The following MTHFD1L variants were observed in gnomAD, a reference collection of about 807,000 sequenced individuals.
MTHFD1L encodes the protein methylenetetrahydrofolate dehydrogenase (NADP+ dependent) 1 like, also known as monofunctional C1-tetrahydrofolate synthase, mitochondrial.
MTHFD1L carries 81 observed loss-of-function variants against 119.5 expected under a neutral mutation model. The ratio of observed to expected loss-of-function variants is 0.68; its 90% CI spans 0.57 to 0.82. The LOEUF (loss-of-function observed/expected upper bound fraction) is 0.82. Ranked by LOEUF, MTHFD1L falls within the 40% of genes least tolerant of loss-of-function variation. The pLI, the probability that MTHFD1L is intolerant of heterozygous loss-of-function variation, is 0.00. For synonymous variants in MTHFD1L, 430 were observed against 475.2 expected (o/e 0.90, Z 1.24); for missense variants, 1,125 against 1,253.4 (o/e 0.90, Z 1.55).
rs1187011747 is a variant in MTHFD1L at position 151,039,771 on chromosome 6, C to T, written c.2847+2654C>T. Among the ~76,000 whole-genome samples, 11 of 152,146 alleles carry T rather than the reference C, an allele frequency of 7.2e-5. No homozygotes were observed. Among genetic ancestry groups the T allele is most frequent in the Non-Finnish European group, 8.8e-5 (6 of 68,014 alleles). ...CACTACTAAAAATACAAAAATTTGCCGGGCGGGGTGGTGGGCACCTATAAT... is the reference window on the plus strand; with the variant it reads ...CACTACTAAAAATACAAAAATTTGCTGGGCGGGGTGGTGGGCACCTATAAT... On this transcript the variant is annotated intron_variant, in intron 26 of 27. Coordinates refer to ENST00000367321, the MANE Select transcript of MTHFD1L (RefSeq NM_015440.5). The surrounding 1 kb of genome is among the most constrained non-coding windows in gnomAD (Gnocchi z 4.4).
chr6:150,867,099 C>T (rs191027153), intron 1 of MTHFD1L, among the ~76,000 whole-genome samples: 2 of 152,092 alleles, frequency 1.3e-5, no homozygotes, highest in South Asian at 4.1e-4. Context: ...CTCCCCACTC[C>T]CCTTCTCCCA....
intron 27 of MTHFD1L, among the ~76,000 whole-genome samples, chr6:151,100,500 G>A (rs1003892907): frequency 2.0e-5 from 3 of 152,030 alleles, no homozygotes; most frequent in Non-Finnish European, 4.4e-5. Context: ...AGGCCAACTC[G>A]CAGGATTTCA....
chr6:151,013,899 C>T (rs1462585541), intron 22 of MTHFD1L, 79 bp downstream of exon 22: 6 of 1,205,698 alleles, frequency 5.0e-6, no homozygotes, highest in East Asian at 4.7e-5. Context: ...AATGAGCCCT[C>T]CTTCAGTGGC....
At chr6:150,972,793 G>A (rs1335564661) in intron 20 of MTHFD1L, among the ~76,000 whole-genome samples, 1 of 152,104 alleles carries the variant, frequency 6.6e-6, no homozygotes, top group Non-Finnish European at 1.5e-5. Context: ...TGTTTTTTGT[G>A]AGCTAATATA....
At chr6:150,940,627 C>G (rs1792930106) in intron 13 of MTHFD1L, among the ~76,000 whole-genome samples, 2 of 152,142 alleles carry the variant, frequency 1.3e-5, no homozygotes, top group African/African-American at 4.8e-5. Context: ...GTCACCCAGG[C>G]TGGAGTGCAA....
chr6:151,099,221 G>GAC lies in MTHFD1L; in HGVS notation c.*32-2303_*32-2302dup, dbSNP rs377123408. The stretch of plus-strand genomic sequence containing the variant: ...GGACCACATACTCTAAGCACCTTTA[G>GAC]ACAAAACCACAGGATACAAATGTAA... On this transcript the variant is annotated intron_variant, in intron 27 of 27. Transcript: ENST00000367321. 5.1e-3 allele frequency among the ~76,000 whole-genome samples: 764 copies of GAC among 149,920 alleles called. 12 individuals carry two copies. The highest frequency in any genetic ancestry group is 0.018 in the African/African-American group (723 of 40,870).
At chr6:151,066,287 A>G (rs144595687) in intron 26 of MTHFD1L, among the ~76,000 whole-genome samples, 2,578 of 151,220 alleles carry the variant, frequency 0.017, 70 homozygotes, top group African/African-American at 0.056. Context: ...ATACAAAAAA[A>G]TCAGCCTGGC....
At chr6:150,965,088 A>C (rs1627462) in intron 19 of MTHFD1L, 51 bp downstream of exon 19, 949,170 of 1,520,382 alleles carry the variant, frequency 0.62, 304,187 homozygotes, top group Non-Finnish European at 0.66. Flanking sequence ...GGATTGCCAC[A>C]CAATGTGAAC....
At chr6:150,933,639 T>G (rs1791547797) in intron 11 of MTHFD1L, among the ~76,000 whole-genome samples, 1 of 152,040 alleles carries the variant, frequency 6.6e-6, no homozygotes, top group Non-Finnish European at 1.5e-5. Context: ...GCGACCTCCT[T>G]GTTGCTGAAT....
intron 1 of MTHFD1L, among the ~76,000 whole-genome samples, chr6:150,875,295 C>T (rs569804804): frequency 3.3e-5 from 5 of 152,210 alleles, no homozygotes; most frequent in Admixed American, 1.3e-4. Context: ...GCAGTCCTAC[C>T]GCCTTGGCCT....
In MTHFD1L at chr6:150,956,001, A is replaced by T; in HGVS notation, c.1733A>T (p.Asp578Val). The T allele has an allele frequency of 1.9e-6, 3 of 1,613,614 alleles. No individual in the cohort carries two copies. Among genetic ancestry groups the T allele is most frequent in the South Asian group, 1.1e-5 (1 of 91,080 alleles). The change falls in exon 17 of 28, where the codon GAT becomes GTT. Residue 578 changes from aspartate (D) to valine (V), a missense_variant. Physicochemically the swap from Asp to Val is radical, Grantham distance 152. Transcript: ENST00000367321. ...CTAATCTGTTCTCTTTCAGTATTGGATACAAATGACCGATTTCTACGAAAA... is the reference window on the plus strand; with the variant it reads ...CTAATCTGTTCTCTTTCAGTATTGGTTACAAATGACCGATTTCTACGAAAA... ...PSTITWQRVL[D>V]TNDRFLRKIT... is the part of the protein sequence containing the mutation.
chr6:151,005,286 A>G (rs1278116680), intron 20 of MTHFD1L, among the ~76,000 whole-genome samples: 2 of 152,136 alleles, frequency 1.3e-5, no homozygotes, highest in African/African-American at 4.8e-5. Flanking sequence ...GTGGCACCTT[A>G]TTAAAGTAGT....
intron 26 of MTHFD1L, among the ~76,000 whole-genome samples, chr6:151,051,491 T>C (rs113749937): frequency 6.6e-6 from 1 of 152,168 alleles, no homozygotes; most frequent in Non-Finnish European, 1.5e-5. Context: ...GTTCTAGCGC[T>C]CTGTGGCTAC....
Position 151,034,485 on chromosome 6 carries a change from T to A in MTHFD1L, c.2587-8T>A, listed in dbSNP as rs375753300. On this transcript the variant is annotated splice_region_variant and splice_polypyrimidine_tract_variant and intron_variant, in intron 24 of 27. Coordinates refer to ENST00000367321, the MANE Select transcript of MTHFD1L (RefSeq NM_015440.5). ...TATACAATTTTGTTATAATTTGTGT[T>A]TCTCCAGGTTCCAATTGTGGACAAG... 4.5e-6 allele frequency: 7 copies of A among 1,569,528 alleles called. No individual in the cohort carries two copies. Among genetic ancestry groups the A allele is most frequent in the Non-Finnish European group, 6.1e-6 (7 of 1,142,756 alleles).
At chr6:150,913,792 G>C (rs1017800566) in intron 8 of MTHFD1L, among the ~76,000 whole-genome samples, 1 of 152,090 alleles carries the variant, frequency 6.6e-6, no homozygotes, top group Non-Finnish European at 1.5e-5. Flanking sequence ...TCACGAGTTC[G>C]AGACCAGCCT....
chr6:151,002,848 C>T (rs144123662), intron 20 of MTHFD1L, among the ~76,000 whole-genome samples: 75 of 152,290 alleles, frequency 4.9e-4, no homozygotes, highest in African/African-American at 1.3e-3. Flanking sequence ...TGCAAGCTGT[C>T]GGCGCCTCAG....
chr6:150,957,708 G>A (rs961046958), intron 17 of MTHFD1L, among the ~76,000 whole-genome samples: 11 of 152,144 alleles, frequency 7.2e-5, no homozygotes, highest in African/African-American at 2.7e-4. Flanking sequence ...GTCTTGACAT[G>A]AGTAGAGAGC....
chr6:150,923,034 A>G (rs1290724686), intron 10 of MTHFD1L, among the ~76,000 whole-genome samples: 1 of 152,102 alleles, frequency 6.6e-6, no homozygotes, highest in East Asian at 1.9e-4. Flanking sequence ...ATGCTTTTCA[A>G]TGTCAGAAAT....
chr6:151,032,250 A>G lies in MTHFD1L; in HGVS notation c.2587-2243A>G, dbSNP rs765285923. Among the ~76,000 whole-genome samples the G allele has an allele frequency of 2.6e-5, 4 of 152,204 alleles. 1 individual carries two copies. Among genetic ancestry groups the G allele is most frequent in the Non-Finnish European group, 5.9e-5 (4 of 68,036 alleles). ...AGTTTATTTTGGCTCATGGTTCTGAAGGCTGTGCAAGCATGGCACCAACAT... is the reference window on the plus strand; with the variant it reads ...AGTTTATTTTGGCTCATGGTTCTGAGGGCTGTGCAAGCATGGCACCAACAT... On this transcript the variant is annotated intron_variant, in intron 24 of 27. Coordinates refer to ENST00000367321, the MANE Select transcript of MTHFD1L (RefSeq NM_015440.5).
Sources: gnomAD v4.1 joint callset for allele counts (sites outside exome capture counted in the v4.1 genomes callset) on GRCh38, gnomAD v4.1.1 for gene constraint, Gnocchi (gnomAD v3.1) non-coding constraint, MANE v1.5 for transcripts, NCBI Gene and HGNC (gene_info 2026-07-23, HGNC 2026-07-21) for gene names.